Variants in KHDRBS2 observed in about 807,000 individuals in gnomAD.
KHDRBS2 encodes KH domain-containing, RNA-binding, signal transduction-associated protein 2.
In KHDRBS2, 26 loss-of-function variants were observed where a neutral mutation model predicts 44.3. The ratio of observed to expected loss-of-function variants is 0.59; its 90% CI spans 0.43 to 0.81. The LOEUF (loss-of-function observed/expected upper bound fraction) is 0.81. Among genes scored for constraint, KHDRBS2 ranks in the 40% least tolerant of loss-of-function variants. KHDRBS2 has a pLI of 0.00. For synonymous variants in KHDRBS2, 194 were observed against 151.1 expected (o/e 1.28, Z -2.08); for missense variants, 476 against 433.1 (o/e 1.10, Z -0.88).
intron 6 of KHDRBS2, among the ~76,000 whole-genome samples, chr6:61,830,584 C>A (rs571538450): frequency 2.0e-5 from 3 of 152,256 alleles, no homozygotes; most frequent in African/African-American, 7.2e-5. Flanking sequence ...GCTTTTAATT[C>A]CCATTTCTTT....
At chr6:61,786,699 T>C (rs1783871794) in intron 6 of KHDRBS2, among the ~76,000 whole-genome samples, 1 of 151,916 alleles carries the variant, frequency 6.6e-6, no homozygotes, top group South Asian at 2.1e-4. Flanking sequence ...AAAGTGAAGA[T>C]CTTAAACTCT....
At chr6:62,244,800 C>A (rs1363901016) in intron 1 of KHDRBS2, among the ~76,000 whole-genome samples, 2 of 152,000 alleles carry the variant, frequency 1.3e-5, no homozygotes, top group Admixed American at 1.3e-4. Context: ...CTCTAAGGAA[C>A]AGAGCAGTTT....
chr6:61,676,997 T>C (rs1765982907), downstream of KHDRBS2, among the ~76,000 whole-genome samples: 2 of 151,908 alleles, frequency 1.3e-5, no homozygotes, highest in African/African-American at 4.8e-5. Flanking sequence ...AATGAAGTTA[T>C]CTGAAAATCA....
chr6:61,836,016 C>T (rs1046124069), intron 6 of KHDRBS2, among the ~76,000 whole-genome samples: 6 of 151,912 alleles, frequency 3.9e-5, no homozygotes, highest in African/African-American at 1.4e-4. Flanking sequence ...ACCTGCTCTC[C>T]TTAAATTTTG....
intron 2 of KHDRBS2, among the ~76,000 whole-genome samples, chr6:62,112,087 A>C (rs1805137757): frequency 6.6e-6 from 1 of 152,152 alleles, no homozygotes; most frequent in African/African-American, 2.4e-5. Flanking sequence ...ACCATAGTTC[A>C]TACTTCTAAG....
intron 2 of KHDRBS2, among the ~76,000 whole-genome samples, chr6:62,071,951 T>TA (rs1329137699): frequency 2.0e-5 from 3 of 152,170 alleles, no homozygotes; most frequent in African/African-American, 7.2e-5. Flanking sequence ...ATTTTCATGA[T>TA]ATTGATTCTT....
intron 6 of KHDRBS2, among the ~76,000 whole-genome samples, chr6:61,742,594 C>T (rs2127564600): frequency 6.6e-6 from 1 of 151,884 alleles, no homozygotes; most frequent in South Asian, 2.1e-4. Flanking sequence ...TAGTCTCTTC[C>T]ATCTCTTTTT....
chr6:62,065,858 T>A (rs1584474305), intron 2 of KHDRBS2, among the ~76,000 whole-genome samples: 1 of 151,800 alleles, frequency 6.6e-6, no homozygotes, highest in Non-Finnish European at 1.5e-5. Flanking sequence ...TGATTCAACA[T>A]GAATTTTAAT....
chr6:62,079,429 T>G (rs77744132), intron 2 of KHDRBS2, among the ~76,000 whole-genome samples: 4,542 of 152,072 alleles, frequency 0.03, 115 homozygotes, highest in Non-Finnish European at 0.05. Context: ...CATTTAACAA[T>G]AATTAAAAAA....
chr6:61,891,633 G>A (rs1018498012), intron 6 of KHDRBS2, among the ~76,000 whole-genome samples: 1 of 152,086 alleles, frequency 6.6e-6, no homozygotes, highest in African/African-American at 2.4e-5. Context: ...CATATAAACA[G>A]AACCAACGAC....
the KHDRBS2 span, among the ~76,000 whole-genome samples, chr6:61,545,501 C>CTCTGTG: frequency 3.2e-4 from 48 of 148,444 alleles, no homozygotes; most frequent in East Asian, 7.0e-3. Context: ...TAGCTAATCT[C>CTCTGTG]TGTGTGTGTG....
chr6:61,854,921 T>C (rs746512200), intron 6 of KHDRBS2, among the ~76,000 whole-genome samples: 7 of 152,196 alleles, frequency 4.6e-5, no homozygotes, highest in Non-Finnish European at 1.5e-5. Flanking sequence ...TCTTCTGTGC[T>C]GCATATGCCA....
chr6:61,561,067 C>T, the KHDRBS2 span, among the ~76,000 whole-genome samples: 2 of 152,148 alleles, frequency 1.3e-5, no homozygotes, highest in Non-Finnish European at 2.9e-5. Context: ...ACCGACGTGT[C>T]TCTTGCAGAC....
At chr6:62,071,467 G>T (rs1268189110) in intron 2 of KHDRBS2, among the ~76,000 whole-genome samples, 1 of 152,114 alleles carries the variant, frequency 6.6e-6, no homozygotes, top group Non-Finnish European at 1.5e-5. Context: ...GATTTTTATG[G>T]TTTTAGGTCT....
intron 4 of KHDRBS2, among the ~76,000 whole-genome samples, chr6:61,945,480 C>A (rs1813177675): frequency 6.6e-6 from 1 of 151,834 alleles, no homozygotes; most frequent in South Asian, 2.1e-4. Context: ...TAGCAAGATA[C>A]AAACGGCACA....
At chr6:62,245,623 A>G (rs1197582322) in intron 1 of KHDRBS2, among the ~76,000 whole-genome samples, 2 of 152,154 alleles carry the variant, frequency 1.3e-5, no homozygotes, top group Non-Finnish European at 1.5e-5. Context: ...TTATGTGCCA[A>G]TGCCAGTCTG....
In KHDRBS2 at chr6:61,901,377, G is replaced by GA. The variant is rs761894601; in HGVS notation, c.484-7dup. 3.1e-6 allele frequency: 5 copies of GA among 1,603,562 alleles called. No individual in the cohort carries two copies. The highest frequency in any genetic ancestry group is 1.4e-5 in the African/African-American group (1 of 73,640). ...CGAATTTCATCATTGTAGTCCTGGA[G>GA]AAAAAACATGATGTGATGAGTTAAA... On this transcript the variant is annotated splice_polypyrimidine_tract_variant and splice_region_variant and intron_variant, in intron 4 of 8. Transcript: ENST00000281156.
At chr6:61,602,675 A>T in the KHDRBS2 span, among the ~76,000 whole-genome samples, 11 of 152,134 alleles carry the variant, frequency 7.2e-5, no homozygotes, top group South Asian at 2.3e-3. Flanking sequence ...CTTCTTAATC[A>T]ATACAGAGGC....
chr6:62,228,436 G>A (rs1003942419), intron 1 of KHDRBS2, among the ~76,000 whole-genome samples: 1 of 151,946 alleles, frequency 6.6e-6, no homozygotes, highest in African/African-American at 2.4e-5. Context: ...AGTCTAGCTA[G>A]GAGTCTATCT....
Sources: allele counts gnomAD v4.1 joint callset (sites outside exome capture counted in the v4.1 genomes callset), GRCh38; gene constraint gnomAD v4.1.1; transcripts MANE v1.5; gene names NCBI Gene and HGNC (gene_info 2026-07-23, HGNC 2026-07-21).